The following GDAP2 variants were observed in gnomAD, a reference collection of about 807,000 sequenced individuals.
GDAP2 encodes ganglioside induced differentiation associated protein 2, also known as ganglioside-induced differentiation-associated protein 2.
GDAP2 carries 51 observed loss-of-function variants against 67.0 expected under a neutral mutation model. The ratio of observed to expected loss-of-function variants is 0.76; its 90% CI spans 0.61 to 0.96. GDAP2 has a LOEUF of 0.96. Ranked by LOEUF, GDAP2 falls within the 40% of genes least tolerant of loss-of-function variation. GDAP2 has a pLI of 0.00. For missense variants in GDAP2, 547 were observed against 588.3 expected (o/e 0.93, Z 0.73); for synonymous variants, 203 against 207.3 (o/e 0.98, Z 0.18).
chr1:117,883,814 A>G (rs1006618927), intron 10 of GDAP2, among the ~76,000 whole-genome samples, 187 bp from the exon 11 acceptor site: 1 of 152,184 alleles, frequency 6.6e-6, no homozygotes. Flanking sequence ...AAAGTGAATC[A>G]TCCCAGTGTT....
intron 13 of GDAP2, chr1:117,877,736 G>A: frequency 8.6e-7 from 1 of 1,156,890 alleles, no homozygotes. Context: ...AAATATGGTA[G>A]AAAACTTACA....
In GDAP2 at chr1:117,886,413, T is replaced by A. The variant is rs1276979267; in HGVS notation, c.1107+164A>T. Among the ~76,000 whole-genome samples the A allele has an allele frequency of 2.0e-5, 3 of 152,198 alleles. 1 individual carries two copies. Among genetic ancestry groups the A allele is most frequent in the Non-Finnish European group, 4.4e-5 (3 of 68,028 alleles). ...GGACAGAGAAAAATCAAACCCCTAA[T>A]CGAACTGAAATGATACAGGTCCACT... is the stretch of plus-strand genomic sequence containing the variant. On this transcript the variant is annotated intron_variant, in intron 10 of 13. Transcript: ENST00000369443.
intron 5 of GDAP2, among the ~76,000 whole-genome samples, chr1:117,910,531 A>G (rs898894509): frequency 6.6e-6 from 1 of 152,198 alleles, no homozygotes; most frequent in Non-Finnish European, 1.5e-5. Context: ...CTAAGACTGA[A>G]CAGATACTCA....
Position 117,866,573 on chromosome 1 carries a change from G to C in GDAP2, c.*3996C>G, listed in dbSNP as rs1390845724. On this transcript the variant is annotated 3_prime_UTR_variant, in exon 14 of 14. Transcript: ENST00000369443. ...TTAAGAAAACTATAATCAGAAACCT[G>C]GCCAGGCACAGTGGCTTATGCCTGT... 2.0e-5 allele frequency: 3 copies of C among 152,092 alleles called. No homozygotes were observed. Among genetic ancestry groups the C allele is most frequent in the Admixed American group, 6.6e-5 (1 of 15,264 alleles). The allele number at this position is 152,092 out of a possible 1,614,324, so 9.4% of individuals were successfully genotyped here.
intron 3 of GDAP2, among the ~76,000 whole-genome samples, chr1:117,916,541 A>G (rs1650051372): frequency 6.6e-6 from 1 of 152,226 alleles, no homozygotes; most frequent in South Asian, 2.1e-4. Flanking sequence ...TTAAGAAACG[A>G]AGAATGGATG....
At chr1:117,900,077 T>C (rs1350092887) in intron 6 of GDAP2, among the ~76,000 whole-genome samples, 1 of 152,110 alleles carries the variant, frequency 6.6e-6, no homozygotes, top group East Asian at 1.9e-4. Flanking sequence ...GATACAATCT[T>C]TAAAAAAAAA....
Position 117,889,791 on chromosome 1 carries a change from A to C in GDAP2, c.954-2017T>G, listed in dbSNP as rs1408570474. On this transcript the variant is annotated intron_variant, in intron 8 of 13. Transcript: ENST00000369443. ...TATTATATACTAATTGTTTATAATG[A>C]GACTAAACAGCAAAATGTATATTAC... Among the ~76,000 whole-genome samples the C allele has an allele frequency of 2.6e-5, 4 of 152,148 alleles. No individual in the cohort carries two copies. In the East Asian group the frequency reaches 7.7e-4, roughly 29 times the overall value.
Position 117,870,040 on chromosome 1 carries a change from G to T in GDAP2, c.*529C>A, listed in dbSNP as rs979382809. The T allele has an allele frequency of 6.6e-6, 1 of 152,588 alleles. No individual in the cohort carries two copies. The highest frequency in any genetic ancestry group is 1.5e-5 in the Non-Finnish European group (1 of 68,404). The allele number at this position is 152,588 out of a possible 1,614,324, so 9.5% of individuals were successfully genotyped here. On this transcript the variant is annotated 3_prime_UTR_variant, in exon 14 of 14. Transcript: ENST00000369443. ...TTTGCTAATGATTTTGATGTTTTTT[G>T]TCAGATACATTTCCACATTCTTGGA...
chr1:117,892,443 C>T (rs1159154501), intron 8 of GDAP2, among the ~76,000 whole-genome samples: 1 of 152,024 alleles, frequency 6.6e-6, no homozygotes, highest in Non-Finnish European at 1.5e-5. Context: ...AAAATCAAAA[C>T]AAAGCTAAAA....
chr1:117,893,130 A>AAG (rs1649149222), intron 8 of GDAP2, among the ~76,000 whole-genome samples: 1 of 152,198 alleles, frequency 6.6e-6, no homozygotes, highest in Non-Finnish European at 1.5e-5. Flanking sequence ...AATAATGAAA[A>AAG]AGATAATGAT....
intron 12 of GDAP2, among the ~76,000 whole-genome samples, chr1:117,878,469 G>A (rs1648542500): frequency 6.6e-6 from 1 of 152,122 alleles, no homozygotes; most frequent in South Asian, 2.1e-4. Context: ...TTCTTACTGT[G>A]GGTTGTAGTC....
chr1:117,885,164 A>C (rs1648806997), intron 10 of GDAP2, among the ~76,000 whole-genome samples: 1 of 151,994 alleles, frequency 6.6e-6, no homozygotes, highest in South Asian at 2.1e-4. Flanking sequence ...GGCTGTGTGC[A>C]TATTTTTATT....
chr1:117,928,015 T>C (rs936643353), intron 1 of GDAP2, among the ~76,000 whole-genome samples: 4 of 152,206 alleles, frequency 2.6e-5, no homozygotes, highest in African/African-American at 9.6e-5. Flanking sequence ...TACCAACTCT[T>C]ATTAAAATCA....
At chr1:117,884,391 A>G (rs1436271160) in intron 10 of GDAP2, among the ~76,000 whole-genome samples, 1 of 152,232 alleles carries the variant, frequency 6.6e-6, no homozygotes, top group Non-Finnish European at 1.5e-5. Flanking sequence ...TTAGCTGTAA[A>G]CAATCACATA....
chr1:117,914,964 TAAA>T (rs957720155), intron 3 of GDAP2, among the ~76,000 whole-genome samples: 1 of 148,646 alleles, frequency 6.7e-6, no homozygotes, highest in Admixed American at 6.7e-5. Flanking sequence ...AGGATGATGT[TAAA>T]AAAAAAAGTT....
At chr1:117,921,695 T>C (rs975185497) in intron 1 of GDAP2, among the ~76,000 whole-genome samples, 4 of 152,164 alleles carry the variant, frequency 2.6e-5, no homozygotes, top group African/African-American at 9.7e-5. Flanking sequence ...TTATTCTAAA[T>C]ATGAGGGATG....
intron 13 of GDAP2, among the ~76,000 whole-genome samples, chr1:117,873,869 C>T (rs1181157005): frequency 6.6e-6 from 1 of 152,182 alleles, no homozygotes; most frequent in East Asian, 1.9e-4. Context: ...CAAATCCCTG[C>T]CATTATCACT....
intron 12 of GDAP2, among the ~76,000 whole-genome samples, chr1:117,879,914 A>G (rs1355756559): frequency 6.6e-6 from 1 of 152,206 alleles, no homozygotes; most frequent in East Asian, 1.9e-4. Context: ...GCAGTGGCTC[A>G]TGCCAGTAAT....
chr1:117,924,730 C>A (rs1650383445), intron 1 of GDAP2, among the ~76,000 whole-genome samples: 1 of 152,118 alleles, frequency 6.6e-6, no homozygotes, highest in Admixed American at 6.6e-5. Context: ...TTATTTGACA[C>A]TAAATACACC....
Sources: gnomAD v4.1 joint callset for allele counts (sites outside exome capture counted in the v4.1 genomes callset) on GRCh38, gnomAD v4.1.1 for gene constraint, MANE v1.5 for transcripts, NCBI Gene and HGNC (gene_info 2026-07-23, HGNC 2026-07-21) for gene names.